Variants in AOPEP observed in about 807,000 individuals in gnomAD.
The protein encoded by AOPEP is aminopeptidase O (putative), also known as aminopeptidase O.
AOPEP carries 77 observed loss-of-function variants against 98.1 expected under a neutral mutation model. That is an observed-to-expected ratio of 0.78 (90% CI 0.65 to 0.95). AOPEP has a LOEUF of 0.95. AOPEP is among the 40% of genes least tolerant of loss of function. The pLI is 0.00. For synonymous variants in AOPEP, 346 were observed against 365.3 expected (o/e 0.95, Z 0.60); for missense variants, 1,024 against 1,024.7 (o/e 1.00, Z 0.01).
chr9:95,107,576 TG>T, the AOPEP span: 1 of 482,420 alleles, frequency 2.1e-6, no homozygotes, highest in Non-Finnish European at 3.8e-6. Context: ...ATTTTTATAT[TG>T]TGGGAAAAAG....
At chr9:94,768,522 C>A (rs763096680) in intron 2 of AOPEP, among the ~76,000 whole-genome samples, 1 of 152,216 alleles carries the variant, frequency 6.6e-6, no homozygotes, top group African/African-American at 2.4e-5. Context: ...CCTTGAAAGG[C>A]AGAGTTAGTA....
intron 13 of AOPEP, among the ~76,000 whole-genome samples, chr9:95,054,867 T>C (rs552522844): frequency 6.0e-4 from 92 of 152,342 alleles, no homozygotes; most frequent in Middle Eastern, 3.4e-3. Context: ...ATGCACCAAT[T>C]GATTGATTTT....
chr9:94,994,257 A>G (rs1390049878), intron 11 of AOPEP, among the ~76,000 whole-genome samples: 1 of 152,186 alleles, frequency 6.6e-6, no homozygotes, highest in East Asian at 1.9e-4. Context: ...TTAAGCTGCA[A>G]ATGGGTAAAT....
intron 5 of AOPEP, chr9:94,900,906 G>T (rs1336895522): frequency 1.3e-5 from 2 of 152,194 alleles, no homozygotes; most frequent in Non-Finnish European, 2.9e-5. Context: ...TAAGTTGAAT[G>T]CTTTCCAAGG....
chr9:94,730,353 A>C (rs1178686963), intron 1 of AOPEP, among the ~76,000 whole-genome samples: 2 of 147,256 alleles, frequency 1.4e-5, no homozygotes, highest in African/African-American at 5.3e-5. Context: ...TTTTATAAAC[A>C]GATTAATATC....
At chr9:94,732,135 T>C (rs1587935171) in intron 1 of AOPEP, among the ~76,000 whole-genome samples, 1 of 152,140 alleles carries the variant, frequency 6.6e-6, no homozygotes, top group South Asian at 2.1e-4. Flanking sequence ...CATATACATA[T>C]GTACAATGTT....
At chr9:94,911,634 C>G (rs2052051887) in intron 5 of AOPEP, among the ~76,000 whole-genome samples, 1 of 151,992 alleles carries the variant, frequency 6.6e-6, no homozygotes, top group Admixed American at 6.6e-5. Flanking sequence ...GACTCTATGG[C>G]AAAAGAAATT....
chr9:95,119,331 G>A, the AOPEP span, among the ~76,000 whole-genome samples: 314 of 149,582 alleles, frequency 2.1e-3, no homozygotes, highest in Non-Finnish European at 3.6e-3. Context: ...CCTAGCTAAC[G>A]GCTTGCTTTT....
chr9:94,744,701 CAAAAAAA>C (rs757571360), intron 1 of AOPEP, among the ~76,000 whole-genome samples: 2 of 56,066 alleles, frequency 3.6e-5, no homozygotes, highest in East Asian at 1.0e-3. Context: ...GACTCTGTCT[CAAAAAAA>C]AAAAAAAAAA....
At chr9:94,913,533 T>G (rs2052380664) in intron 5 of AOPEP, among the ~76,000 whole-genome samples, 1 of 152,220 alleles carries the variant, frequency 6.6e-6, no homozygotes. Flanking sequence ...AAAAGTTCAA[T>G]TATTTATGAA....
At chr9:94,769,165 T>A (rs567505917) in intron 2 of AOPEP, among the ~76,000 whole-genome samples, 6 of 152,310 alleles carry the variant, frequency 3.9e-5, no homozygotes, top group African/African-American at 1.4e-4. Flanking sequence ...GGCCCCATGT[T>A]CACCCATCCT....
intron 7 of AOPEP, chr9:94,932,919 G>A: frequency 1.0e-6 from 1 of 985,438 alleles, no homozygotes; most frequent in African/African-American, 1.7e-5. Context: ...TGGAGAGCCT[G>A]TAATGTGGCT....
chr9:95,060,403 A>G (rs776907427), intron 13 of AOPEP, among the ~76,000 whole-genome samples: 3 of 152,208 alleles, frequency 2.0e-5, no homozygotes, highest in Non-Finnish European at 2.9e-5. Flanking sequence ...GTAAACCACG[A>G]TAATGTTTTA....
chr9:95,080,703 C>T lies in AOPEP; in HGVS notation c.2242C>T (p.Arg748Trp), dbSNP rs953383793. Reference sequence around the variant, plus strand: ...TCTCTTGTTCCTCCAGGTTCGCCATCGGTGGTGTGAACTCATTGTTAAGCA... The same window carrying T: ...TCTCTTGTTCCTCCAGGTTCGCCATTGGTGGTGTGAACTCATTGTTAAGCA... ...LQDQDAEVRH[R>W]WCELIVKHKF... The change falls in exon 15 of 17, where the codon CGG becomes TGG. Residue 748 changes from arginine to tryptophan, a missense_variant. Around this residue, in one of 3 missense-constraint regions of AOPEP, gnomAD observed 566 missense variants for 551.7 expected, o/e 1.03. Transcript: ENST00000375315. 4.3e-6 allele frequency: 7 copies of T among 1,613,266 alleles called. No individual in the cohort carries two copies. In the Admixed American group the frequency reaches 5.0e-5, roughly 12 times the overall value.
At chr9:94,899,557 C>G (rs1269284571) in intron 5 of AOPEP, among the ~76,000 whole-genome samples, 2 of 151,616 alleles carry the variant, frequency 1.3e-5, no homozygotes, top group Non-Finnish European at 2.9e-5. Flanking sequence ...TGAGACCAGC[C>G]TGGGCAACAA....
At chr9:95,008,164 TGTTTTCCTTGCCTCC>T (rs1190053995) in intron 13 of AOPEP, among the ~76,000 whole-genome samples, 3 of 152,224 alleles carry the variant, frequency 2.0e-5, no homozygotes, top group Non-Finnish European at 4.4e-5. Context: ...TTGTCTACTT[TGTTTTCCTTGCCTCC>T]GTTCATCCCC....
the AOPEP span, among the ~76,000 whole-genome samples, chr9:95,138,910 G>A: frequency 6.6e-6 from 1 of 152,214 alleles, no homozygotes; most frequent in East Asian, 1.9e-4. Flanking sequence ...CTTTTTATTA[G>A]AGCCTTGATT....
At chr9:95,094,021 T>C in the AOPEP span, among the ~76,000 whole-genome samples, 3 of 152,264 alleles carry the variant, frequency 2.0e-5, no homozygotes, top group Admixed American at 2.0e-4. Flanking sequence ...GCACGCAGGC[T>C]TTTCCTTTTT....
chr9:94,908,697 C>T, intron 5 of AOPEP, among the ~76,000 whole-genome samples: 1 of 152,132 alleles, frequency 6.6e-6, no homozygotes, highest in East Asian at 1.9e-4. Flanking sequence ...CATAAACCCC[C>T]AGGAAGCTAA....
Sources: allele counts gnomAD v4.1 joint callset (sites outside exome capture counted in the v4.1 genomes callset), GRCh38; gene constraint gnomAD v4.1.1; regional missense constraint gnomAD v4.1.1; transcripts MANE v1.5; gene names NCBI Gene and HGNC (gene_info 2026-07-23, HGNC 2026-07-21).